The following RUBCNL variants were observed in gnomAD, a reference collection of about 807,000 sequenced individuals.
RUBCNL encodes the protein protein associated with UVRAG as autophagy enhancer.
Under a neutral mutation model 69.5 loss-of-function variants are expected in RUBCNL, and 62 were observed. That is an observed-to-expected ratio of 0.89 (90% CI 0.73 to 1.10). RUBCNL has a LOEUF of 1.10. Ranked by LOEUF, RUBCNL falls within the 50% of genes least tolerant of loss-of-function variation. RUBCNL has a pLI of 0.00. For synonymous variants in RUBCNL, 291 were observed against 303.6 expected, an observed-to-expected ratio of 0.96 and a Z score of 0.43; for missense variants, 768 against 798.1, an observed-to-expected ratio of 0.96 and a Z score of 0.45.
intron 5 of RUBCNL, 153 bp downstream of exon 5, chr13:46,367,889 A>G: frequency 1.4e-6 from 1 of 714,706 alleles, no homozygotes; most frequent in Non-Finnish European, 2.4e-6. Flanking sequence ...ACAAGAACAA[A>G]AAAAAAGTAG....
In RUBCNL at chr13:46,376,119, C is replaced by T. The variant is rs189793932; in HGVS notation, c.-123+1771G>A. Among the ~76,000 whole-genome samples, 124 of 152,168 alleles carry T rather than the reference C, an allele frequency of 8.1e-4. 3 individuals are homozygous for T. Among genetic ancestry groups the T allele is most frequent in the Admixed American group, 4.5e-3 (69 of 15,270 alleles). ...AACATACAACATATGTGTTAATCAA[C>T]TGTTTATGTTATCAGTAAGGCTGCA... is the stretch of plus-strand genomic sequence containing the variant. On this transcript the variant is annotated intron_variant, in intron 2 of 14. Coordinates refer to ENST00000429979, the MANE Select transcript of RUBCNL (RefSeq NM_025113.5).
intron 1 of RUBCNL, among the ~76,000 whole-genome samples, chr13:46,381,608 G>A (rs764761175): frequency 6.6e-6 from 1 of 152,136 alleles, no homozygotes; most frequent in African/African-American, 2.4e-5. Flanking sequence ...TCGAGACGGA[G>A]TTTCGCTCTT....
intron 5 of RUBCNL, among the ~76,000 whole-genome samples, chr13:46,365,260 A>G (rs891124584): frequency 3.9e-4 from 55 of 142,118 alleles, no homozygotes; most frequent in African/African-American, 1.4e-3. Context: ...CCGAGATCGC[A>G]CCACTCTACT....
rs750768235 is a variant in RUBCNL at position 46,345,554 on chromosome 13, G to T, written c.1678C>A (p.Leu560Ile). 1.2e-6 allele frequency: 2 copies of T among 1,613,492 alleles called. No homozygotes were observed. The highest frequency in any genetic ancestry group is 2.2e-5 in the East Asian group (1 of 44,896). ...AGGTCCTCAAGGGAGAACAGGTGGAGCTCATCAGTCAAGTGTCCCGGCACC... is the reference window on the plus strand; with the variant it reads ...AGGTCCTCAAGGGAGAACAGGTGGATCTCATCAGTCAAGTGTCCCGGCACC... ...EQVPGHLTDELHLFSLEDLVR... is the reference protein window; with the variant it reads ...EQVPGHLTDEIHLFSLEDLVR... Residue 560 changes from leucine to isoleucine, a missense_variant, in exon 13 of 15, where the codon CTC becomes ATC. By Grantham distance (5) the Leu-to-Ile change is conservative. Coordinates refer to ENST00000429979, the MANE Select transcript of RUBCNL (RefSeq NM_025113.5).
chr13:46,386,925 C>T (rs376441595), intron 1 of RUBCNL, among the ~76,000 whole-genome samples: 8 of 152,168 alleles, frequency 5.3e-5, no homozygotes, highest in Non-Finnish European at 1.0e-4. Context: ...AAATCCGCCA[C>T]CCCGCGAGGA....
At chr13:46,380,896 C>A (rs75342915) in intron 1 of RUBCNL, among the ~76,000 whole-genome samples, 1,982 of 152,096 alleles carry the variant, frequency 0.013, 51 homozygotes, top group African/African-American at 0.044. Context: ...TTAAAAAAAA[C>A]CAGATTTACA....
Position 46,338,286 on chromosome 13 carries a change from G to A in RUBCNL, c.*5099C>T, listed in dbSNP as rs1211987451. ...AGCAGGTTTGAATTTTGAAATCTTT[G>A]ACTCCTCACTGCTCTGCTCTGGAGC... On this transcript the variant is annotated 3_prime_UTR_variant, in exon 15 of 15. Transcript: ENST00000429979. Among the ~76,000 whole-genome samples the A allele has an allele frequency of 2.6e-5, 4 of 152,154 alleles. No individual in the cohort carries two copies.
Position 46,363,101 on chromosome 13 carries a change from T to C in RUBCNL, c.925+14A>G, listed in dbSNP as rs1392089044. ...GAGGCAGCCAGTCACATCCAAACAG[T>C]TTCCAAATCTTACCTAAAATAACAA... On this transcript the variant is annotated intron_variant, in intron 6 of 14. Transcript: ENST00000429979. 1.3e-6 allele frequency: 2 copies of C among 1,560,418 alleles called. No individual in the cohort carries two copies. Among genetic ancestry groups the C allele is most frequent in the Non-Finnish European group, 1.8e-6 (2 of 1,140,630 alleles).
chr13:46,361,660 C>A, intron 7 of RUBCNL, 87 bp from the exon 8 acceptor site: 2 of 1,399,618 alleles, frequency 1.4e-6, no homozygotes, highest in South Asian at 1.3e-5. Context: ...CTGTTCTTCC[C>A]AGCCCCCAAA....
At chr13:46,352,002 A>G (rs1050857864) in intron 10 of RUBCNL, among the ~76,000 whole-genome samples, 52 of 151,996 alleles carry the variant, frequency 3.4e-4, no homozygotes, top group African/African-American at 1.1e-3. Flanking sequence ...TAATTTTTGT[A>G]TTTTTAGTAG....
rs1594172583 is a variant in RUBCNL, at chr13:46,372,380, G to A, written c.96C>T (p.Leu32=). Residue 32 remains leucine, a synonymous_variant, in exon 3 of 15, where the codon CTC becomes CTT. Transcript: ENST00000429979. ...HSGIIDGSPR[L]LNTDHPPCQL... The stretch of plus-strand genomic sequence containing the variant: ...GGCAAGGAGGATGGTCAGTGTTCAG[G>A]AGTCTGGGCGAACCATCAATAATGC... 1 of 1,613,954 alleles carries A rather than the reference G, an allele frequency of 6.2e-7. No homozygotes were observed. The highest frequency in any genetic ancestry group is 8.5e-7 in the Non-Finnish European group (1 of 1,179,870).
In RUBCNL at chr13:46,372,076, C is replaced by A; in HGVS notation, c.400G>T (p.Val134Leu). The stretch of plus-strand genomic sequence containing the variant: ...GAGTATCCTGGGCGGACCATGTGTA[C>A]CTCTGTTGAGGACAGAGAGAAGCTG... ...SSSFSLSSTEVHMVRPGYSHR... is the reference protein window; with the variant it reads ...SSSFSLSSTELHMVRPGYSHR... The change falls in exon 3 of 15, where the codon GTA (valine) becomes TTA (leucine). Residue 134 changes from valine (V) to leucine (L), a missense_variant. Transcript: ENST00000429979. 6.2e-7 allele frequency: 1 copy of A among 1,613,972 alleles called. No homozygotes were observed. The highest frequency in any genetic ancestry group is 8.5e-7 in the Non-Finnish European group (1 of 1,179,890).
At chr13:46,374,227 T>C (rs539711573) in intron 2 of RUBCNL, among the ~76,000 whole-genome samples, 2 of 152,242 alleles carry the variant, frequency 1.3e-5, no homozygotes, top group African/African-American at 4.8e-5. Context: ...TACAGGTGCA[T>C]GCCACCACAC....
rs956316831 is a variant in RUBCNL at position 46,338,449 on chromosome 13, G to C, written c.*4936C>G. Among the ~76,000 whole-genome samples the C allele has an allele frequency of 6.6e-6, 1 of 152,108 alleles. No individual in the cohort carries two copies. Among genetic ancestry groups the C allele is most frequent in the African/African-American group, 2.4e-5 (1 of 41,428 alleles). ...AGTTCACTTTCAGGAGGCTGGACCA[G>C]GGGAAAGACCTGAGCAGCCCTAAAA... On this transcript the variant is annotated 3_prime_UTR_variant, in exon 15 of 15. Coordinates refer to ENST00000429979, the MANE Select transcript of RUBCNL (RefSeq NM_025113.5).
At chr13:46,359,080 A>G (rs1594151207) in intron 9 of RUBCNL, among the ~76,000 whole-genome samples, 2 of 150,626 alleles carry the variant, frequency 1.3e-5, no homozygotes, top group Admixed American at 1.3e-4. Flanking sequence ...GGAGTCCAAC[A>G]CCAGCCTGGG....
intron 1 of RUBCNL, among the ~76,000 whole-genome samples, chr13:46,384,789 C>A (rs750461943): frequency 6.6e-6 from 1 of 152,148 alleles, no homozygotes; most frequent in Non-Finnish European, 1.5e-5. Flanking sequence ...AAGTATTTTA[C>A]CTTTACGGAG....
intron 10 of RUBCNL, chr13:46,354,809 T>A: frequency 2.2e-6 from 1 of 456,750 alleles, no homozygotes; most frequent in Non-Finnish European, 4.4e-6. Flanking sequence ...GCAAGCTCCC[T>A]GAGGGCAAGG....
intron 14 of RUBCNL, 30 bp downstream of exon 14, chr13:46,344,711 T>C (rs926217865): frequency 7.0e-7 from 1 of 1,429,132 alleles, no homozygotes; most frequent in Admixed American, 1.9e-5. Context: ...TAACCTATTA[T>C]TAAGCTTATG....
chr13:46,343,471 A>G lies in RUBCNL; in HGVS notation c.1903T>C (p.Cys635Arg). ...SACRACFHKQ[C>R]FQSSECPRCA... ...CGGGGGCACTCGGAGGACTGGAAGC[A>G]CTGTTTGTGAAAGCAAGCCCTGCAC... The change falls in exon 15 of 15, where the codon TGC (cysteine) becomes CGC (arginine). Residue 635 changes from cysteine to arginine, a missense_variant. Coordinates refer to ENST00000429979, the MANE Select transcript of RUBCNL (RefSeq NM_025113.5). 1 of 1,613,926 alleles carries G rather than the reference A, an allele frequency of 6.2e-7. No homozygotes were observed. Among genetic ancestry groups the G allele is most frequent in the Non-Finnish European group, 8.5e-7 (1 of 1,179,874 alleles).
Sources: gnomAD v4.1 joint callset for allele counts (sites outside exome capture counted in the v4.1 genomes callset) on GRCh38, gnomAD v4.1.1 for gene constraint, MANE v1.5 for transcripts, NCBI Gene and HGNC (gene_info 2026-07-23, HGNC 2026-07-21) for gene names.